PREX2: variants seen among roughly 807,000 people sequenced by gnomAD.
PREX2 encodes phosphatidylinositol 3,4,5-trisphosphate-dependent Rac exchanger 2 protein.
A neutral mutation model predicts 203.2 loss-of-function variants in PREX2; 107 were observed. The ratio of observed to expected loss-of-function variants is 0.53; its 90% confidence interval spans 0.45 to 0.62. The LOEUF is 0.62. Among genes scored for constraint, PREX2 ranks in the 20% least tolerant of loss-of-function variants. The pLI is 0.00. For missense variants in PREX2, 1,777 were observed against 1,955.9 expected, an observed-to-expected ratio of 0.91 and a Z score of 1.72; for synonymous variants, 672 against 663.6, an observed-to-expected ratio of 1.01 and a Z score of -0.19.
chr8:68,128,885 C>T (rs752619773), intron 31 of PREX2, among the ~76,000 whole-genome samples: 9 of 152,136 alleles, frequency 5.9e-5, no homozygotes, highest in South Asian at 2.1e-4. Flanking sequence ...ATGAATGGAC[C>T]GAGTTAACCA....
intron 1 of PREX2, among the ~76,000 whole-genome samples, chr8:68,010,938 A>G (rs984642144): frequency 2.0e-5 from 3 of 152,214 alleles, no homozygotes; most frequent in Admixed American, 6.5e-5. Flanking sequence ...TACAAGGAAC[A>G]CAAGATCTTC....
intron 1 of PREX2, among the ~76,000 whole-genome samples, chr8:67,981,776 A>C (rs1806280276): frequency 6.6e-6 from 1 of 152,186 alleles, no homozygotes. Flanking sequence ...AGCTGCATGC[A>C]CTTAGGAGCT....
chr8:68,083,530 T>A, intron 18 of PREX2, 142 bp downstream of exon 18: 1 of 508,280 alleles, frequency 2.0e-6, no homozygotes, highest in Non-Finnish European at 3.4e-6. Flanking sequence ...AATACTGGTT[T>A]ACAGATGATG....
At chr8:68,191,972 G>T (rs548467870) in intron 36 of PREX2, among the ~76,000 whole-genome samples, 184 bp downstream of exon 36, 41 of 152,146 alleles carry the variant, frequency 2.7e-4, no homozygotes, top group African/African-American at 9.6e-4. Flanking sequence ...AAGTTCTGGG[G>T]TACATGCACA....
intron 10 of PREX2, among the ~76,000 whole-genome samples, chr8:68,058,623 CAG>C (rs1221625755): frequency 6.6e-6 from 1 of 152,044 alleles, no homozygotes; most frequent in Non-Finnish European, 1.5e-5. Flanking sequence ...TTAGTAGAGA[CAG>C]AGTTTCACCA....
chr8:68,028,887 C>G, intron 5 of PREX2, among the ~76,000 whole-genome samples: 1 of 152,022 alleles, frequency 6.6e-6, no homozygotes, highest in East Asian at 1.9e-4. Flanking sequence ...CAAAAGAAAG[C>G]ATCGTGGATT....
rs374077115 is a variant in PREX2, at chr8:68,156,546, C to T, written c.4232-776C>T. ...TTTCTCTCTACCTTTCATAGTTCTT[C>T]GTTGGGATGGTCCCCATAGCAAAAG... On this transcript the variant is annotated intron_variant, in intron 34 of 39. Transcript: ENST00000288368. Among the ~76,000 whole-genome samples the T allele has an allele frequency of 1.7e-4, 26 of 152,252 alleles. No homozygotes were observed. In the South Asian group the frequency reaches 4.1e-3, roughly 24 times the overall value.
chr8:68,086,632 G>A (rs1222579867), intron 18 of PREX2, among the ~76,000 whole-genome samples: 1 of 152,018 alleles, frequency 6.6e-6, no homozygotes, highest in Non-Finnish European at 1.5e-5. Flanking sequence ...TTTCATTGTT[G>A]CTATCTGATT....
At chr8:68,145,522 A>G (rs1020205043) in intron 33 of PREX2, among the ~76,000 whole-genome samples, 12 of 152,186 alleles carry the variant, frequency 7.9e-5, no homozygotes, top group African/African-American at 2.9e-4. Context: ...TCAGCCTTTT[A>G]GGATGATTTT....
chr8:68,105,254 C>T, intron 23 of PREX2: 1 of 1,367,810 alleles, frequency 7.3e-7, no homozygotes, highest in Non-Finnish European at 9.8e-7. Context: ...TGGAGTTCCT[C>T]CTGCTGCCTC....
In PREX2 at chr8:67,952,403, GGACAGCCGCGGA is replaced by G; in HGVS notation, c.20_31del (p.Gly7_Arg10del). The G allele has an allele frequency of 6.4e-7, 1 of 1,555,596 alleles. No individual in the cohort carries two copies. The highest frequency in any genetic ancestry group is 8.7e-7 in the Non-Finnish European group (1 of 1,151,730). On this transcript the variant is annotated inframe_deletion, in exon 1 of 40. Coordinates refer to ENST00000288368, the MANE Select transcript of PREX2 (RefSeq NM_024870.4). ...GCGCACCGCCGCCGACCATGAGCGAGGACAGCCGCGGAGACAGCCGCGCCGAGAGCGCCAAGG... is the reference window on the plus strand; with the variant it reads ...GCGCACCGCCGCCGACCATGAGCGAGGACAGCCGCGCCGAGAGCGCCAAGG...
intron 37 of PREX2, among the ~76,000 whole-genome samples, chr8:68,194,187 T>C (rs899607550): frequency 6.6e-6 from 1 of 152,238 alleles, no homozygotes; most frequent in Non-Finnish European, 1.5e-5. Flanking sequence ...TCAATAAATA[T>C]GCATTGAGCA....
At chr8:68,053,792 A>G (rs776332993) in intron 9 of PREX2, among the ~76,000 whole-genome samples, 11 of 152,230 alleles carry the variant, frequency 7.2e-5, no homozygotes, top group Non-Finnish European at 1.0e-4. Context: ...CTTTGAATAT[A>G]GTATAATGTA....
chr8:68,040,148 G>C (rs1808153255), intron 7 of PREX2, among the ~76,000 whole-genome samples: 1 of 151,946 alleles, frequency 6.6e-6, no homozygotes, highest in African/African-American at 2.4e-5. Context: ...CCTGCCTCAG[G>C]CTCCCAAGTA....
At position 68,115,821 on chromosome 8, in the gene PREX2, A is replaced by G; in HGVS notation, c.3215A>G (p.Asp1072Gly). ...ACATCAGAGGGCATAATACCAACAGACAGTGACAATGAGAAGGGAGAAAGA... is the reference window on the plus strand; with the variant it reads ...ACATCAGAGGGCATAATACCAACAGGCAGTGACAATGAGAAGGGAGAAAGA... ...RKTSEGIIPT[D>G]SDNEKGERNS... Residue 1072 changes from aspartate to glycine, a missense_variant, in exon 26 of 40, where the codon GAC becomes GGC. Coordinates refer to ENST00000288368, the MANE Select transcript of PREX2 (RefSeq NM_024870.4). 6.2e-7 allele frequency: 1 copy of G among 1,613,888 alleles called. No homozygotes were observed.
At chr8:68,212,965 CAT>C (rs1812768362) in intron 37 of PREX2, among the ~76,000 whole-genome samples, 1 of 152,092 alleles carries the variant, frequency 6.6e-6, no homozygotes, top group South Asian at 2.1e-4. Flanking sequence ...TCCTCCAAAA[CAT>C]ATATATTTCC....
At chr8:68,165,941 T>A (rs531019067) in intron 35 of PREX2, among the ~76,000 whole-genome samples, 3 of 152,166 alleles carry the variant, frequency 2.0e-5, no homozygotes, top group Non-Finnish European at 2.9e-5. Context: ...ATTTCAAAAA[T>A]AGGAAAGTAT....
intron 4 of PREX2, among the ~76,000 whole-genome samples, chr8:68,024,258 AT>A (rs1807650038): frequency 2.6e-5 from 4 of 152,052 alleles, no homozygotes; most frequent in Non-Finnish European, 5.9e-5. Flanking sequence ...TTGTTTAATG[AT>A]TCAATTATTG....
chr8:68,188,766 GATTCAA>G (rs1299781400), intron 35 of PREX2, among the ~76,000 whole-genome samples: 1 of 152,110 alleles, frequency 6.6e-6, no homozygotes, highest in Non-Finnish European at 1.5e-5. Context: ...CAACCCCCAT[GATTCAA>G]TTATCTCCAT....
Sources: allele counts gnomAD v4.1 joint callset (sites outside exome capture counted in the v4.1 genomes callset), GRCh38; gene constraint gnomAD v4.1.1; transcripts MANE v1.5; gene names NCBI Gene and HGNC (gene_info 2026-07-23, HGNC 2026-07-21).